IBTK: variants seen among roughly 807,000 people sequenced by gnomAD.
The protein encoded by IBTK is inhibitor of Bruton tyrosine kinase, also known as BTK-binding protein.
In IBTK, 83 loss-of-function variants were observed where a neutral mutation model predicts 154.9. The observed-to-expected ratio is 0.54, with a 90% CI of 0.45 to 0.64. IBTK has a LOEUF of 0.64. Ranked by LOEUF, IBTK falls within the 30% of genes least tolerant of loss-of-function variation. The pLI is 0.00. For missense variants in IBTK, 1,332 were observed against 1,584.6 expected, an observed-to-expected ratio of 0.84 and a Z score of 2.71; for synonymous variants, 515 against 536.1, an observed-to-expected ratio of 0.96 and a Z score of 0.54.
chr6:82,240,847 T>C lies in IBTK; in HGVS notation c.-357-4A>G. On this transcript the variant is annotated splice_region_variant and splice_polypyrimidine_tract_variant and intron_variant, in intron 1 of 28. Transcript: ENST00000306270. ...TATCCATAATTGCAAGGGTGACCTA[T>C]AAGAGAAAGAGAAGAGAAAATAAAA... The C allele has an allele frequency of 2.5e-6, 1 of 407,126 alleles. No individual in the cohort carries two copies. Among genetic ancestry groups the C allele is most frequent in the African/African-American group, 2.0e-5 (1 of 48,784 alleles). The allele number at this position is 407,126 out of a possible 1,614,324, so 25.2% of individuals were successfully genotyped here.
At chr6:82,245,213 G>A (rs1771099071) in intron 1 of IBTK, among the ~76,000 whole-genome samples, 1 of 152,036 alleles carries the variant, frequency 6.6e-6, no homozygotes, top group South Asian at 2.1e-4. Context: ...CAGAAGAGGG[G>A]TCCAGGTAAG....
intron 13 of IBTK, 115 bp downstream of exon 13, chr6:82,212,592 G>C: frequency 4.3e-6 from 3 of 691,428 alleles, no homozygotes; most frequent in Non-Finnish European, 7.8e-6. Context: ...ACTAGAAAAG[G>C]TAAGAGGGTA....
intron 16 of IBTK, among the ~76,000 whole-genome samples, chr6:82,206,340 C>T (rs1335160114): frequency 6.6e-6 from 1 of 152,092 alleles, no homozygotes; most frequent in South Asian, 2.1e-4. Flanking sequence ...CTTTATTTGA[C>T]CTGACATAAA....
At chr6:82,237,368 C>T (rs1770754629) in intron 2 of IBTK, among the ~76,000 whole-genome samples, 2 of 151,968 alleles carry the variant, frequency 1.3e-5, no homozygotes, top group Admixed American at 1.3e-4. Flanking sequence ...AACAGATACC[C>T]CAAGGTTTCA....
chr6:82,211,288 G>C, intron 15 of IBTK, 79 bp downstream of exon 15: 1 of 1,125,134 alleles, frequency 8.9e-7, no homozygotes, highest in South Asian at 1.7e-5. Flanking sequence ...TTCTGATTTT[G>C]AATTTCTTTA....
At position 82,191,197 on chromosome 6, in the gene IBTK, C is replaced by T. The variant is rs1307633907; in HGVS notation, c.3451G>A (p.Val1151Ile). ...SHLGKTVSHG[V>I]KLSQKQRKMI... ...TTTCGTTGCTTCTGAGAAAGTTTAACTCCATGAGAAACTGTTTTGCTAGAA... is the reference window on the plus strand; with the variant it reads ...TTTCGTTGCTTCTGAGAAAGTTTAATTCCATGAGAAACTGTTTTGCTAGAA... Residue 1151 changes from valine (V) to isoleucine (I), a missense_variant, in exon 25 of 29, where the codon GTT becomes ATT. This residue lies in a region of IBTK where 1,134 missense variants were observed against 1,274.7 expected (regional missense o/e 0.89). Transcript: ENST00000306270. The T allele has an allele frequency of 6.2e-7, 1 of 1,607,678 alleles. No homozygotes were observed. The highest frequency in any genetic ancestry group is 8.5e-7 in the Non-Finnish European group (1 of 1,178,238).
At chr6:82,229,800 T>G (rs994291531) in intron 4 of IBTK, among the ~76,000 whole-genome samples, 1 of 152,138 alleles carries the variant, frequency 6.6e-6, no homozygotes, top group African/African-American at 2.4e-5. Flanking sequence ...ACAAGAATAT[T>G]AGCTTTCATG....
chr6:82,215,535 C>T (rs552559671), intron 11 of IBTK, among the ~76,000 whole-genome samples: 1 of 152,066 alleles, frequency 6.6e-6, no homozygotes, highest in East Asian at 1.9e-4. Context: ...GCCTGTAATC[C>T]TAGCACTTTG....
At chr6:82,239,511 TAA>T (rs1282211383) in intron 2 of IBTK, among the ~76,000 whole-genome samples, 1 of 152,140 alleles carries the variant, frequency 6.6e-6, no homozygotes, top group African/African-American at 2.4e-5. Flanking sequence ...TTTAAAATAC[TAA>T]AAGATATTGT....
At chr6:82,181,555 A>G (rs1310190571) in intron 26 of IBTK, among the ~76,000 whole-genome samples, 1 of 152,200 alleles carries the variant, frequency 6.6e-6, no homozygotes, top group Non-Finnish European at 1.5e-5. Context: ...AGGGATTACA[A>G]AGGGACATGA....
At chr6:82,245,529 C>A (rs1432467226) in intron 1 of IBTK, among the ~76,000 whole-genome samples, 3 of 152,040 alleles carry the variant, frequency 2.0e-5, no homozygotes, top group South Asian at 4.2e-4. Flanking sequence ...TGCACTCCAG[C>A]CTGAGCGACT....
chr6:82,220,606 A>G lies in IBTK; in HGVS notation c.1232T>C (p.Met411Thr). The G allele has an allele frequency of 6.2e-7, 1 of 1,611,758 alleles. No homozygotes were observed. Among genetic ancestry groups the G allele is most frequent in the African/African-American group, 1.3e-5 (1 of 74,814 alleles). The part of the protein sequence containing the change: ...NGGQKICILA[M>T]DGAGRVFCWR... ...TGTACTTACCCTTCCAGCTCCATCC[A>G]TTGCAAGAATGCAAATTTTTTGACC... The change falls in exon 9 of 29, where the codon ATG (methionine) becomes ACG (threonine). Residue 411 changes from methionine to threonine, a missense_variant. This residue lies in a region of IBTK where 1,134 missense variants were observed against 1,274.7 expected (regional missense o/e 0.89). Coordinates refer to ENST00000306270, the MANE Select transcript of IBTK (RefSeq NM_015525.4).
At chr6:82,191,399 G>A in intron 24 of IBTK, 183 bp from the exon 25 acceptor site, 1 of 596,368 alleles carries the variant, frequency 1.7e-6, no homozygotes, top group Non-Finnish European at 2.9e-6. Context: ...ATGCTCACAA[G>A]TTTCAACAAT....
chr6:82,212,087 C>T (rs959307570), intron 13 of IBTK, among the ~76,000 whole-genome samples: 3 of 152,090 alleles, frequency 2.0e-5, no homozygotes, highest in East Asian at 3.9e-4. Context: ...CTCCGCCTCC[C>T]GAGTACAAGT....
chr6:82,245,290 G>A (rs529144971), intron 1 of IBTK, among the ~76,000 whole-genome samples: 14 of 152,184 alleles, frequency 9.2e-5, no homozygotes, highest in Non-Finnish European at 1.8e-4. Context: ...CAGGCACAGT[G>A]GCTCATGCCT....
rs530616676 is a variant in IBTK, at chr6:82,190,991, T to C, written c.3575+82A>G. On this transcript the variant is annotated intron_variant, in intron 25 of 28. Coordinates refer to ENST00000306270, the MANE Select transcript of IBTK (RefSeq NM_015525.4). ...GAAAAGACTTTAGAAACACTGGAAG[T>C]GGGAAGGAACTCCAAAGTCAAGTAC... The C allele has an allele frequency of 7.3e-6, 7 of 963,750 alleles. No individual in the cohort carries two copies. In the South Asian group the frequency reaches 2.0e-4, roughly 28 times the overall value. 59.7% of individuals were successfully genotyped at this position (963,750 alleles called of 1,614,324 possible).
rs771377284 is a variant in IBTK at position 82,204,872 on chromosome 6, C to A, written c.2596G>T (p.Ala866Ser). ...ITRLKEICEV[A>S]LTEKLTLKNA... ...AATTACTCACGTTTTTCAGTTAATG[C>A]TACTTCACAAATCTCTTTCAACCGG... is the stretch of plus-strand genomic sequence containing the variant. Residue 866 changes from alanine (A) to serine (S), a missense_variant, in exon 17 of 29, where the codon GCA becomes TCA. Ala to Ser is a moderately conservative substitution (Grantham distance 99). Coordinates refer to ENST00000306270, the MANE Select transcript of IBTK (RefSeq NM_015525.4). 5.6e-6 allele frequency: 9 copies of A among 1,597,636 alleles called. No individual in the cohort carries two copies. In the African/African-American group the frequency reaches 1.1e-4, roughly 19 times the overall value.
chr6:82,206,894 T>C (rs1359084674), intron 16 of IBTK, among the ~76,000 whole-genome samples: 1 of 151,992 alleles, frequency 6.6e-6, no homozygotes, highest in Non-Finnish European at 1.5e-5. Context: ...CCTTTCATGA[T>C]AAAAACACTC....
At chr6:82,191,936 C>T (rs1768785100) in intron 23 of IBTK, 57 bp from the exon 24 acceptor site, 5 of 880,292 alleles carry the variant, frequency 5.7e-6, no homozygotes. Flanking sequence ...AAGCCCAACC[C>T]CCAACTTCAC....
Sources: gnomAD v4.1 joint callset for allele counts (sites outside exome capture counted in the v4.1 genomes callset) on GRCh38, gnomAD v4.1.1 for gene constraint, gnomAD v4.1.1 regional missense constraint, MANE v1.5 for transcripts, NCBI Gene and HGNC (gene_info 2026-07-23, HGNC 2026-07-21) for gene names.